Variants in EMC3 observed in about 807,000 individuals in gnomAD.
EMC3 encodes the protein 30 kDa protein.
In EMC3, 13 loss-of-function variants were observed where a neutral mutation model predicts 36.6. That is an observed-to-expected ratio of 0.35 (90% confidence interval 0.23 to 0.56). EMC3 has a LOEUF of 0.56. Among genes scored for constraint, EMC3 ranks in the 20% least tolerant of loss-of-function variants. EMC3 has a pLI of 0.84. For synonymous variants in EMC3, 120 were observed against 111.9 expected (o/e 1.07, Z -0.46); for missense variants, 220 against 324.5 (o/e 0.68, Z 2.47).
At chr3:10,007,601 G>A (rs368001034) in intron 1 of EMC3, 2 of 1,367,390 alleles carry the variant, frequency 1.5e-6, no homozygotes, top group Admixed American at 1.9e-5. Flanking sequence ...GGGGAGGGTT[G>A]ATGGCAAGAC....
intron 7 of EMC3, 154 bp downstream of exon 7, chr3:9,969,564 CT>C: frequency 6.6e-7 from 1 of 1,519,446 alleles, no homozygotes; most frequent in Non-Finnish European, 8.8e-7. Context: ...ATGATTCTGT[CT>C]CAGGAAAGAG....
intron 1 of EMC3, chr3:10,003,643 C>T (rs2086230066): frequency 4.9e-6 from 1 of 205,272 alleles, no homozygotes; most frequent in African/African-American, 2.3e-5. Context: ...AAGGCTGGCT[C>T]CCTTGGCATC....
intron 4 of EMC3, 74 bp from the exon 5 acceptor site, chr3:9,973,783 G>A (rs1204441636): frequency 2.2e-6 from 3 of 1,384,062 alleles, no homozygotes; most frequent in African/African-American, 1.4e-5. Context: ...TTTCTCAGAG[G>A]AGGTGGGAAC....
intron 1 of EMC3, chr3:10,007,604 G>A (rs777926133): frequency 3.9e-5 from 53 of 1,367,342 alleles, no homozygotes; most frequent in Middle Eastern, 2.1e-4. Context: ...GAGGGTTGAT[G>A]GCAAGACACA....
At chr3:10,007,720 G>A (rs2086280280) in intron 1 of EMC3, 1 of 1,201,006 alleles carries the variant, frequency 8.3e-7, no homozygotes, top group African/African-American at 1.6e-5. Flanking sequence ...GTGAATCTGT[G>A]GGTGCAGATG....
chr3:9,988,260 C>T, upstream of EMC3: 1 of 628,730 alleles, frequency 1.6e-6, no homozygotes, highest in Non-Finnish European at 2.9e-6. Context: ...CCATCTTATA[C>T]ATGAGGTTGT....
chr3:9,963,178 A>G lies in EMC3; in HGVS notation c.*891T>C, dbSNP rs1293009858. Reference sequence around the variant, plus strand: ...TTCACTCTGAAGAGAGTTTATTTGAATAAGGTTTTGACATATTTGGTCTCT... The same window carrying G: ...TTCACTCTGAAGAGAGTTTATTTGAGTAAGGTTTTGACATATTTGGTCTCT... On this transcript the variant is annotated 3_prime_UTR_variant, in exon 8 of 8. Coordinates refer to ENST00000245046, the MANE Select transcript of EMC3 (RefSeq NM_001394674.1). The G allele has an allele frequency of 2.0e-5, 3 of 152,166 alleles. No homozygotes were observed. The highest frequency in any genetic ancestry group is 7.2e-5 in the African/African-American group (3 of 41,438). The allele number at this position is 152,166 out of a possible 1,614,324, so 9.4% of individuals were successfully genotyped here.
At chr3:9,970,789 C>A in intron 5 of EMC3, 128 bp from the exon 6 acceptor site, 1 of 764,190 alleles carries the variant, frequency 1.3e-6, no homozygotes, top group South Asian at 1.6e-5. Flanking sequence ...TATATTCATC[C>A]AAAGCACAAC....
chr3:10,007,909 A>T (rs1453072759), intron 1 of EMC3, among the ~76,000 whole-genome samples: 1 of 152,092 alleles, frequency 6.6e-6, no homozygotes, highest in Non-Finnish European at 1.5e-5. Context: ...GTCAGATAAG[A>T]TTCTCCTTCC....
rs1377275432 is a variant in EMC3 at position 9,977,436 on chromosome 3, T to G, written c.166A>C (p.Ile56Leu). 9.3e-6 allele frequency: 15 copies of G among 1,612,394 alleles called. No individual in the cohort carries two copies. Among genetic ancestry groups the G allele is most frequent in the Non-Finnish European group, 1.1e-5 (13 of 1,179,600 alleles). ...QEQVSDSQVLIRSRVLRENGK... is the reference protein window; with the variant it reads ...QEQVSDSQVLLRSRVLRENGK... ...TTTTCCCTGAGGACTCTGCTTCGAA[T>G]TAGGACTTGACTGAAAAATACAACC... Residue 56 changes from isoleucine to leucine, a missense_variant, in exon 2 of 8, where the codon ATT (isoleucine) becomes CTT (leucine). Coordinates refer to ENST00000245046, the MANE Select transcript of EMC3 (RefSeq NM_001394674.1).
intron 1 of EMC3, among the ~76,000 whole-genome samples, chr3:9,985,017 T>C (rs1232065782): frequency 6.6e-6 from 1 of 152,240 alleles, no homozygotes; most frequent in Non-Finnish European, 1.5e-5. Flanking sequence ...GAGTAAATGG[T>C]TATTATTCTT....
chr3:9,970,466 G>A, intron 6 of EMC3, 116 bp downstream of exon 6: 3 of 1,188,894 alleles, frequency 2.5e-6, no homozygotes, highest in Non-Finnish European at 3.7e-6. Context: ...CTTAAGGAAG[G>A]AAACATTTTA....
In EMC3 at chr3:9,973,508, T is replaced by C. The variant is rs1021841390; in HGVS notation, c.494+120A>G. The C allele has an allele frequency of 1.5e-4, 138 of 898,104 alleles. 1 individual carries two copies. The highest frequency in any genetic ancestry group is 2.2e-4 in the Non-Finnish European group (122 of 563,540). 55.6% of individuals were successfully genotyped at this position (898,104 alleles called of 1,614,324 possible). ...TGCGCCCGGCCTGTTTTCGTTTTCT[T>C]GAGACAGGGTCTTACTCTGTTGCCC... On this transcript the variant is annotated intron_variant, in intron 5 of 7. Coordinates refer to ENST00000245046, the MANE Select transcript of EMC3 (RefSeq NM_001394674.1).
intron 1 of EMC3, chr3:10,007,155 C>A: frequency 4.4e-6 from 2 of 453,706 alleles, no homozygotes; most frequent in Non-Finnish European, 3.5e-6. Flanking sequence ...AAGAAAAAGC[C>A]ACCTCAGAGA....
At chr3:10,002,283 T>A (rs895693476) in intron 1 of EMC3, among the ~76,000 whole-genome samples, 1 of 149,828 alleles carries the variant, frequency 6.7e-6, no homozygotes, top group Non-Finnish European at 1.5e-5. Context: ...TCTTTTTTTA[T>A]TTTATTTTAT....
At chr3:9,975,528 C>A (rs2085837959) in intron 3 of EMC3, among the ~76,000 whole-genome samples, 1 of 151,218 alleles carries the variant, frequency 6.6e-6, no homozygotes, top group South Asian at 2.1e-4. Flanking sequence ...AAAGAGATAT[C>A]TTGGCCAGGC....
chr3:9,980,037 G>A (rs751369625), intron 1 of EMC3, among the ~76,000 whole-genome samples: 19 of 140,948 alleles, frequency 1.3e-4, no homozygotes, highest in Non-Finnish European at 2.9e-4. Context: ...TTTTTGAGAT[G>A]GAATCTCACT....
At chr3:9,980,985 T>C (rs561126094) in intron 1 of EMC3, among the ~76,000 whole-genome samples, 14 of 152,020 alleles carry the variant, frequency 9.2e-5, no homozygotes, top group Non-Finnish European at 1.9e-4. Context: ...GCTTGAGCCC[T>C]GGAGCCCTGG....
intron 1 of EMC3, among the ~76,000 whole-genome samples, chr3:9,997,350 G>A (rs1446425973): frequency 5.9e-5 from 9 of 152,168 alleles, no homozygotes; most frequent in African/African-American, 1.7e-4. Context: ...GATTACAGGC[G>A]TGTGCCGCCA....
Sources: gnomAD v4.1 joint callset for allele counts (sites outside exome capture counted in the v4.1 genomes callset) on GRCh38, gnomAD v4.1.1 for gene constraint, MANE v1.5 for transcripts, NCBI Gene and HGNC (gene_info 2026-07-23, HGNC 2026-07-21) for gene names.